Variants in SH3GL3 observed in about 807,000 individuals in gnomAD.
The protein encoded by SH3GL3 is SH3 domain containing GRB2 like 3, endophilin A3, also known as endophilin-A3.
Under a neutral mutation model 47.7 loss-of-function variants are expected in SH3GL3, and 33 were observed. The observed-to-expected ratio is 0.69, with a 90% CI of 0.52 to 0.92. The LOEUF (loss-of-function observed/expected upper bound fraction) is 0.92, where lower values mean the gene tolerates loss of function less well. Among genes scored for constraint, SH3GL3 ranks in the 40% least tolerant of loss-of-function variants. The probability of loss-of-function intolerance (pLI) is 0.00; values close to 1 mark genes in which losing one functional copy is unlikely to be tolerated. For synonymous variants in SH3GL3, 155 were observed against 148.8 expected (o/e 1.04, Z -0.30); for missense variants, 363 against 417.8 (o/e 0.87, Z 1.14).
intron 1 of SH3GL3, among the ~76,000 whole-genome samples, chr15:83,514,446 A>G (rs901654923): frequency 2.6e-5 from 4 of 152,188 alleles, no homozygotes; most frequent in African/African-American, 7.2e-5. Flanking sequence ...CAAAAGAGAG[A>G]CAGAGAAAAT....
chr15:83,465,173 G>A (rs552112410), intron 1 of SH3GL3, among the ~76,000 whole-genome samples: 31 of 151,854 alleles, frequency 2.0e-4, no homozygotes, highest in Middle Eastern at 3.4e-3. Flanking sequence ...AGCTGGGCAT[G>A]GTGGTGTGTG....
chr15:83,471,372 C>T (rs1294604510), intron 1 of SH3GL3, among the ~76,000 whole-genome samples: 2 of 152,196 alleles, frequency 1.3e-5, no homozygotes, highest in East Asian at 3.8e-4. Flanking sequence ...TACCTTGAGG[C>T]TGTTTTCATT....
chr15:83,507,302 C>T (rs932651728), intron 1 of SH3GL3, among the ~76,000 whole-genome samples: 1 of 151,996 alleles, frequency 6.6e-6, no homozygotes, highest in Non-Finnish European at 1.5e-5. Flanking sequence ...GCCACCGTGC[C>T]CGGCCTGTGT....
intron 1 of SH3GL3, among the ~76,000 whole-genome samples, chr15:83,540,220 G>A (rs183227759): frequency 5.3e-5 from 8 of 151,962 alleles, no homozygotes; most frequent in South Asian, 2.1e-4. Flanking sequence ...TTGTGATTCC[G>A]CATATGGTCT....
At chr15:83,475,638 T>C (rs1208272043) in intron 1 of SH3GL3, among the ~76,000 whole-genome samples, 2 of 152,258 alleles carry the variant, frequency 1.3e-5, no homozygotes, top group African/African-American at 4.8e-5. Context: ...ACCTGTTGTA[T>C]TGAAATTATT....
chr15:83,516,634 C>T (rs2042990032), intron 1 of SH3GL3, among the ~76,000 whole-genome samples: 2 of 151,940 alleles, frequency 1.3e-5, no homozygotes, highest in African/African-American at 4.8e-5. Context: ...GGGGAAGGTG[C>T]CATACACTTT....
chr15:83,613,620 A>AATCTATCTATCT (rs71453208), intron 8 of SH3GL3, among the ~76,000 whole-genome samples: 19 of 146,918 alleles, frequency 1.3e-4, no homozygotes, highest in East Asian at 4.1e-4. Context: ...GAAATATATA[A>AATCTATCTATCT]ATCTATCTAT....
chr15:83,616,777 G>T (rs2060830321), intron 8 of SH3GL3, among the ~76,000 whole-genome samples: 1 of 151,610 alleles, frequency 6.6e-6, no homozygotes, highest in Non-Finnish European at 1.5e-5. Flanking sequence ...AAAAGGAAGA[G>T]AAATCGAGAA....
chr15:83,503,577 G>T (rs940703515), intron 1 of SH3GL3, among the ~76,000 whole-genome samples: 6 of 152,152 alleles, frequency 3.9e-5, no homozygotes, highest in Non-Finnish European at 5.9e-5. Context: ...TACGGGGTAG[G>T]TATTTTGTTC....
chr15:83,541,012 A>G (rs2151700222), intron 1 of SH3GL3, among the ~76,000 whole-genome samples: 1 of 152,266 alleles, frequency 6.6e-6, no homozygotes, highest in Middle Eastern at 3.4e-3. Flanking sequence ...TTAAATTTTT[A>G]GTTCCCACAA....
Position 83,448,011 on chromosome 15 carries a change from G to T in SH3GL3, c.45+433G>T, listed in dbSNP as rs2039530984. On this transcript the variant is annotated intron_variant, in intron 1 of 8. Coordinates refer to ENST00000427482, the MANE Select transcript of SH3GL3 (RefSeq NM_003027.5). The surrounding 1 kb of genome is among the most constrained non-coding windows in gnomAD (Gnocchi z 4.2). ...GGGGGCCCATCCTCCACCGGCCACC[G>T]GCGCCTCCAGAGATGCTGTGTATTT... 6.6e-6 allele frequency among the ~76,000 whole-genome samples: 1 copy of T among 152,124 alleles called. No individual in the cohort carries two copies. The highest frequency in any genetic ancestry group is 1.5e-5 in the Non-Finnish European group (1 of 68,026).
At chr15:83,595,948 C>G (rs2060227069) in intron 8 of SH3GL3, among the ~76,000 whole-genome samples, 1 of 152,120 alleles carries the variant, frequency 6.6e-6, no homozygotes, top group East Asian at 1.9e-4. Flanking sequence ...AGCTCTCTGT[C>G]TCATTGAGTT....
intron 1 of SH3GL3, among the ~76,000 whole-genome samples, chr15:83,556,554 C>T (rs1566983349): frequency 2.0e-5 from 3 of 152,134 alleles, no homozygotes; most frequent in South Asian, 2.1e-4. Context: ...CGAACTCGTT[C>T]GGATTAAAGG....
At chr15:83,564,916 G>A (rs529469834) in intron 2 of SH3GL3, among the ~76,000 whole-genome samples, 3 of 152,202 alleles carry the variant, frequency 2.0e-5, no homozygotes, top group African/African-American at 7.2e-5. Flanking sequence ...TAAAGGGAAA[G>A]TAAAGTTCTC....
chr15:83,572,625 T>G lies in SH3GL3; in HGVS notation c.392T>G (p.Leu131Arg). ...MKLMAEVKDS[L>R]DINVKQTFID... ...CTAATGGCTGAGGTGAAAGACTCTC[T>G]TGATATTAATGTAAAGCAAACTTTT... Residue 131 changes from leucine (L) to arginine (R), a missense_variant, in exon 5 of 9, where the codon CTT becomes CGT. Leu to Arg is a moderately radical substitution (Grantham distance 102). Coordinates refer to ENST00000427482, the MANE Select transcript of SH3GL3 (RefSeq NM_003027.5). 1 of 1,610,914 alleles carries G rather than the reference T, an allele frequency of 6.2e-7. No homozygotes were observed. Among genetic ancestry groups the G allele is most frequent in the Non-Finnish European group, 8.5e-7 (1 of 1,177,040 alleles).
intron 1 of SH3GL3, among the ~76,000 whole-genome samples, chr15:83,475,391 A>T (rs940678355): frequency 6.6e-6 from 1 of 152,132 alleles, no homozygotes; most frequent in Non-Finnish European, 1.5e-5. Context: ...AGACAGGAGA[A>T]TCGTTTGAAC....
chr15:83,507,414 AT>A (rs148739641), intron 1 of SH3GL3, among the ~76,000 whole-genome samples: 5,569 of 148,926 alleles, frequency 0.037, 303 homozygotes, highest in African/African-American at 0.12. Context: ...TTCCTTTATT[AT>A]TATTATTATT....
At chr15:83,490,265 G>GTTT (rs1196742768) in intron 1 of SH3GL3, among the ~76,000 whole-genome samples, 5 of 133,076 alleles carry the variant, frequency 3.8e-5, no homozygotes, top group African/African-American at 1.2e-4. Context: ...GTGATTTTGC[G>GTTT]TTTTTTTTTT....
At chr15:83,525,250 T>C (rs1309377758) in intron 1 of SH3GL3, among the ~76,000 whole-genome samples, 1 of 152,072 alleles carries the variant, frequency 6.6e-6, no homozygotes, top group African/African-American at 2.4e-5. Flanking sequence ...TCCCTGATGA[T>C]TAGTGATGGT....
Sources: allele counts gnomAD v4.1 joint callset (sites outside exome capture counted in the v4.1 genomes callset), GRCh38; gene constraint gnomAD v4.1.1; non-coding constraint Gnocchi (gnomAD v3.1); transcripts MANE v1.5; gene names NCBI Gene and HGNC (gene_info 2026-07-23, HGNC 2026-07-21).